The following ABCB5 variants were observed in gnomAD, a reference collection of about 807,000 sequenced individuals.
ABCB5 encodes the protein ATP-binding cassette sub-family B member 5.
ABCB5 carries 155 observed loss-of-function variants against 144.2 expected under a neutral mutation model. The observed-to-expected ratio is 1.08, with a 90% CI of 0.94 to 1.23. The LOEUF (loss-of-function observed/expected upper bound fraction) is 1.23. Ranked by LOEUF, ABCB5 falls within the 50% of genes most tolerant of loss-of-function variation. The probability of loss-of-function intolerance (pLI) is 0.00; values close to 1 mark genes in which losing one functional copy is unlikely to be tolerated. For synonymous variants in ABCB5, 610 were observed against 528.6 expected, an observed-to-expected ratio of 1.15 and a Z score of -2.11; for missense variants, 1,830 against 1,520.8, an observed-to-expected ratio of 1.20 and a Z score of -3.38.
At chr7:20,672,023 T>A (rs1785469444) in intron 14 of ABCB5, among the ~76,000 whole-genome samples, 1 of 152,236 alleles carries the variant, frequency 6.6e-6, no homozygotes, top group Non-Finnish European at 1.5e-5. Context: ...TATAGTAGTA[T>A]CCCATTGTCA....
intron 5 of ABCB5, among the ~76,000 whole-genome samples, chr7:20,642,223 G>A (rs948972696): frequency 1.3e-5 from 2 of 152,128 alleles, no homozygotes; most frequent in African/African-American, 4.8e-5. Context: ...CCTAGAATAT[G>A]CCAAATTCTC....
chr7:20,728,671 T>C (rs941719099), intron 23 of ABCB5, among the ~76,000 whole-genome samples: 3 of 152,154 alleles, frequency 2.0e-5, no homozygotes, highest in Non-Finnish European at 4.4e-5. Flanking sequence ...GGAGAATCGA[T>C]TGAACCCAGG....
chr7:20,721,608 A>G (rs1465255002), intron 20 of ABCB5, among the ~76,000 whole-genome samples: 23 of 152,130 alleles, frequency 1.5e-4, no homozygotes, highest in Admixed American at 1.4e-3. Context: ...CTCCAACACA[A>G]AGCTTCATGC....
chr7:20,726,358 CTTTTTTTT>C (rs1172285058), intron 21 of ABCB5, among the ~76,000 whole-genome samples: 6 of 78,418 alleles, frequency 7.7e-5, no homozygotes, highest in African/African-American at 3.2e-4. Context: ...TCTCTGCTAT[CTTTTTTTT>C]TTTTTTTTTT....
At chr7:20,651,644 G>C (rs1784597379) in intron 13 of ABCB5, 21 bp downstream of exon 13, 3 of 1,612,318 alleles carry the variant, frequency 1.9e-6, no homozygotes, top group African/African-American at 2.7e-5. Flanking sequence ...TGTGCAGCCT[G>C]TGTCCTTAGC....
intron 16 of ABCB5, among the ~76,000 whole-genome samples, chr7:20,689,201 A>T (rs1390720156): frequency 6.6e-6 from 1 of 152,176 alleles, no homozygotes; most frequent in Non-Finnish European, 1.5e-5. Flanking sequence ...GCACCCCACT[A>T]CCGCTGGAGT....
rs140582459 is a variant in ABCB5 at position 20,651,615 on chromosome 7, T to C, written c.1528T>C (p.Phe510Leu). ...EANAYDFIME[F>L]PNKFNTLVGE... Reference sequence around the variant, plus strand: ...AAATGCGTATGATTTTATCATGGAGTTTCCTAATGTGAGTACACTGTGCAG... The same window carrying C: ...AAATGCGTATGATTTTATCATGGAGCTTCCTAATGTGAGTACACTGTGCAG... Residue 510 changes from phenylalanine to leucine, a missense_variant, in exon 13 of 28, where the codon TTT becomes CTT. Transcript: ENST00000404938. 6.1e-5 allele frequency: 99 copies of C among 1,613,784 alleles called. No individual in the cohort carries two copies. In the East Asian group the frequency reaches 2.1e-3, roughly 35 times the overall value.
chr7:20,637,619 C>T (rs1266752919), intron 5 of ABCB5, among the ~76,000 whole-genome samples: 1 of 152,000 alleles, frequency 6.6e-6, no homozygotes, highest in Non-Finnish European at 1.5e-5. Flanking sequence ...GGGGGTTCTC[C>T]ATGTTGGTCA....
chr7:20,709,151 A>G (rs1438449378), intron 20 of ABCB5, among the ~76,000 whole-genome samples: 1 of 151,964 alleles, frequency 6.6e-6, no homozygotes, highest in African/African-American at 2.4e-5. Flanking sequence ...TGGCAGCCTT[A>G]TATAAGTTAC....
chr7:20,655,282 G>A (rs2097681), intron 13 of ABCB5, among the ~76,000 whole-genome samples: 5 of 152,056 alleles, frequency 3.3e-5, no homozygotes, highest in African/African-American at 1.2e-4. Flanking sequence ...TACCAGCCTG[G>A]ACAACATGGC....
chr7:20,693,480 C>T (rs1786302041), intron 16 of ABCB5, among the ~76,000 whole-genome samples: 1 of 152,050 alleles, frequency 6.6e-6, no homozygotes, highest in African/African-American at 2.4e-5. Flanking sequence ...TTATAAACTA[C>T]ATAACTCACT....
chr7:20,661,230 C>T (rs1159149267), intron 14 of ABCB5, among the ~76,000 whole-genome samples: 1 of 152,250 alleles, frequency 6.6e-6, no homozygotes, highest in African/African-American at 2.4e-5. Flanking sequence ...GCTCCAAGCT[C>T]CTTCTGGAAC....
chr7:20,663,772 G>A (rs1442007020), intron 14 of ABCB5, among the ~76,000 whole-genome samples: 1 of 144,392 alleles, frequency 6.9e-6, no homozygotes, highest in Non-Finnish European at 1.5e-5. Context: ...CTGGAGTGCA[G>A]TGGCATGATC....
At position 20,667,843 on chromosome 7, in the gene ABCB5, T is replaced by G. The variant is rs1312892798; in HGVS notation, c.1707+9167T>G. ...CCTGCCTGATTCTCCTGCCTCAGCCTGCCGAGTGCCTGCGATTGCAGGCGC... is the reference window on the plus strand; with the variant it reads ...CCTGCCTGATTCTCCTGCCTCAGCCGGCCGAGTGCCTGCGATTGCAGGCGC... On this transcript the variant is annotated intron_variant, in intron 14 of 27. Transcript: ENST00000404938. Among the ~76,000 whole-genome samples, 2 of 139,420 alleles carry G rather than the reference T, an allele frequency of 1.4e-5. 1 individual carries two copies. Among genetic ancestry groups the G allele is most frequent in the East Asian group, 4.3e-4 (2 of 4,656 alleles). The allele number at this position is 139,420 out of a possible 152,430, so 91.5% of individuals were successfully genotyped here.
chr7:20,642,321 A>T (rs1006375273), intron 5 of ABCB5, among the ~76,000 whole-genome samples: 5 of 152,074 alleles, frequency 3.3e-5, no homozygotes, highest in Admixed American at 2.6e-4. Flanking sequence ...CTCCTGGGAG[A>T]AATATTTTTC....
At chr7:20,699,601 T>G (rs1277729379) in intron 17 of ABCB5, among the ~76,000 whole-genome samples, 1 of 151,870 alleles carries the variant, frequency 6.6e-6, no homozygotes, top group Non-Finnish European at 1.5e-5. Flanking sequence ...CTCGGGAGGC[T>G]GAGGCATGAG....
At chr7:20,688,687 C>T (rs1402805636) in intron 16 of ABCB5, among the ~76,000 whole-genome samples, 1 of 152,160 alleles carries the variant, frequency 6.6e-6, no homozygotes, top group South Asian at 2.1e-4. Flanking sequence ...TATTGCAGCA[C>T]TATTCACAAT....
chr7:20,725,201 A>G (rs895285763), intron 21 of ABCB5, among the ~76,000 whole-genome samples: 2 of 152,214 alleles, frequency 1.3e-5, no homozygotes, highest in East Asian at 1.9e-4. Context: ...CTAAACATCA[A>G]TTTAGAACAT....
At chr7:20,668,519 C>T (rs1450469965) in intron 14 of ABCB5, among the ~76,000 whole-genome samples, 3 of 151,674 alleles carry the variant, frequency 2.0e-5, no homozygotes, top group African/African-American at 7.3e-5. Context: ...GGAGCCCCTC[C>T]GTCCGGCAGC....
Sources: gnomAD v4.1 joint callset for allele counts (sites outside exome capture counted in the v4.1 genomes callset) on GRCh38, gnomAD v4.1.1 for gene constraint, MANE v1.5 for transcripts, NCBI Gene and HGNC (gene_info 2026-07-23, HGNC 2026-07-21) for gene names.